The following GSE1 variants were observed in gnomAD, a reference collection of about 807,000 sequenced individuals.
GSE1 encodes the protein Gse1 coiled-coil protein, also known as genetic suppressor element 1.
In GSE1, 32 loss-of-function variants were observed where a neutral mutation model predicts 112.6. The observed-to-expected ratio is 0.28, with a 90% confidence interval of 0.21 to 0.38. GSE1 has a LOEUF of 0.38. Ranked by LOEUF, GSE1 falls within the 10% of genes least tolerant of loss-of-function variation. The pLI is 1.00. For missense variants in GSE1, 2,348 were observed against 1,699.2 expected, an observed-to-expected ratio of 1.38 and a Z score of -6.71; for synonymous variants, 1,115 against 735.6, an observed-to-expected ratio of 1.52 and a Z score of -8.35.
intron 2 of GSE1, among the ~76,000 whole-genome samples, chr16:85,549,150 G>A (rs2151229952): frequency 6.6e-6 from 1 of 151,790 alleles, no homozygotes; most frequent in Middle Eastern, 3.4e-3. Context: ...CAGGTACCAA[G>A]CAGACATATC....
intron 3 of GSE1, among the ~76,000 whole-genome samples, chr16:85,650,291 C>T (rs779256869): frequency 5.5e-5 from 8 of 144,544 alleles, no homozygotes; most frequent in African/African-American, 1.3e-4. Context: ...CCCCCAGGGC[C>T]AGCCTTGACC....
rs563706799 is a variant in GSE1 at position 85,667,546 on chromosome 16, A to C, written c.3131-594A>C. On this transcript the variant is annotated intron_variant, in intron 13 of 15. Transcript: ENST00000253458. ...ATGGGCTGGTGTCTGCTGAGGGCTG[A>C]CTATAGACCAAGCTCAAAGAGATGG... Among the ~76,000 whole-genome samples the C allele has an allele frequency of 2.0e-5, 3 of 152,324 alleles. No individual in the cohort carries two copies. The South Asian group carries it at 6.2e-4, about 32-fold the overall frequency.
At chr16:85,663,897 G>A (rs982129722) in intron 11 of GSE1, among the ~76,000 whole-genome samples, 7 of 152,246 alleles carry the variant, frequency 4.6e-5, no homozygotes, top group African/African-American at 1.2e-4. Flanking sequence ...TCTTTGAGCC[G>A]AGTGCTCCAG....
chr16:85,277,517 A>G lies in GSE1; in HGVS notation c.2284-79946A>G, dbSNP rs1164147458. ...CGAGTCACCTGGGGCCAGGCCTGGG[A>G]TTCCGGATTTCTAAAAAACTCCGGT... On this transcript the variant is annotated intron_variant, in intron 1 of 2. Transcript: ENST00000637419. Among the ~76,000 whole-genome samples the G allele has an allele frequency of 2.0e-5, 3 of 152,224 alleles. No homozygotes were observed. In the East Asian group the frequency reaches 5.8e-4, roughly 29 times the overall value.
intron 9 of GSE1, 55 bp downstream of exon 9, chr16:85,661,820 G>A: frequency 7.0e-7 from 1 of 1,429,400 alleles, no homozygotes; most frequent in Non-Finnish European, 9.2e-7. Flanking sequence ...AGTGGGGATG[G>A]GGAGCCTGCA....
chr16:85,479,361 G>T (rs1244282440), intron 2 of GSE1, among the ~76,000 whole-genome samples: 1 of 151,534 alleles, frequency 6.6e-6, no homozygotes, highest in Non-Finnish European at 1.5e-5. Flanking sequence ...TAGAGATGGG[G>T]TTTCATCATG....
chr16:85,555,969 C>G (rs1207992310), exon 1 of GSE1: 1 of 984,278 alleles, frequency 1.0e-6, no homozygotes, highest in Admixed American at 6.2e-5. Flanking sequence ...TTTTTATTTG[C>G]ATCTCAAGTC....
intron 2 of GSE1, among the ~76,000 whole-genome samples, chr16:85,541,806 C>T (rs1803304026): frequency 6.6e-6 from 1 of 152,220 alleles, no homozygotes; most frequent in South Asian, 2.1e-4. Flanking sequence ...GGCCACGTCC[C>T]TGCCTCGCTG....
At chr16:85,558,755 G>A (rs1214933594) in intron 1 of GSE1, among the ~76,000 whole-genome samples, 1 of 152,224 alleles carries the variant, frequency 6.6e-6, no homozygotes, top group African/African-American at 2.4e-5. Flanking sequence ...TATTGTCTTA[G>A]TGTAATATTC....
chr16:85,656,516 A>C lies in GSE1; in HGVS notation c.1163A>C (p.Gln388Pro). The change falls in exon 7 of 16, where the codon CAG (glutamine) becomes CCG (proline). Residue 388 changes from glutamine to proline, a missense_variant. Gln to Pro is a moderately conservative substitution (Grantham distance 76). Coordinates refer to ENST00000253458, the MANE Select transcript of GSE1 (RefSeq NM_014615.5). ...GAGCGCGAGCGCGAGCTGGAGCGCC[A>C]GCGGGAGCAGCGGGCCCGGGAGAAG... ...EKERERELER[Q>P]REQRAREKEL... The C allele has an allele frequency of 1.3e-6, 2 of 1,548,658 alleles. No individual in the cohort carries two copies. The highest frequency in any genetic ancestry group is 1.7e-6 in the Non-Finnish European group (2 of 1,145,954).
At chr16:85,640,875 A>G (rs769659061) in intron 2 of GSE1, among the ~76,000 whole-genome samples, 20 of 152,204 alleles carry the variant, frequency 1.3e-4, no homozygotes, top group South Asian at 4.1e-4. Flanking sequence ...GGGCGTCCTC[A>G]TGGTGCCTCT....
chr16:85,265,506 T>A (rs1422908164), intron 1 of GSE1, among the ~76,000 whole-genome samples: 1 of 152,160 alleles, frequency 6.6e-6, no homozygotes, highest in Non-Finnish European at 1.5e-5. Flanking sequence ...TTCTAGAATA[T>A]GTCCGGACTA....
chr16:85,666,903 C>A (rs941821755), intron 13 of GSE1, among the ~76,000 whole-genome samples: 1 of 152,186 alleles, frequency 6.6e-6, no homozygotes, highest in African/African-American at 2.4e-5. Context: ...CACCAAGTTC[C>A]AAAAACAAAA....
chr16:85,597,918 C>T (rs934525893), intron 1 of GSE1, among the ~76,000 whole-genome samples: 1 of 152,184 alleles, frequency 6.6e-6, no homozygotes, highest in East Asian at 1.9e-4. Flanking sequence ...GGTTCAGGTG[C>T]TTAACCTTTC....
At chr16:85,408,457 C>G (rs1358277271) in intron 2 of GSE1, among the ~76,000 whole-genome samples, 1 of 54,674 alleles carries the variant, frequency 1.8e-5, no homozygotes, top group Non-Finnish European at 3.6e-5. Flanking sequence ...ACTCAGGGAC[C>G]CCTGGATAAT....
Position 85,671,021 on chromosome 16 carries a change from C to G in GSE1, c.3442C>G (p.Gln1148Glu). 4 of 1,611,170 alleles carry G rather than the reference C, an allele frequency of 2.5e-6. No individual in the cohort carries two copies. The highest frequency in any genetic ancestry group is 3.4e-6 in the Non-Finnish European group (4 of 1,177,474). Residue 1148 changes from glutamine to glutamate, a missense_variant, in exon 15 of 16, where the codon CAG (glutamine) becomes GAG (glutamate). Transcript: ENST00000253458. ...GCAAAATCTGGAGCGGCAGGTGTTACAGACACAATGTAGACGACTGGAGGC... is the reference window on the plus strand; with the variant it reads ...GCAAAATCTGGAGCGGCAGGTGTTAGAGACACAATGTAGACGACTGGAGGC... ...EEQNLERQVLQTQCRRLEARH... is the reference protein window; with the variant it reads ...EEQNLERQVLETQCRRLEARH...
At chr16:85,298,619 G>GT (rs2151456070) in intron 1 of GSE1, among the ~76,000 whole-genome samples, 1 of 152,224 alleles carries the variant, frequency 6.6e-6, no homozygotes, top group Non-Finnish European at 1.5e-5. Context: ...TAGAGATGGG[G>GT]TTTCACCATG....
chr16:85,309,803 T>C (rs2045784448), intron 1 of GSE1, among the ~76,000 whole-genome samples: 1 of 152,012 alleles, frequency 6.6e-6, no homozygotes, highest in Non-Finnish European at 1.5e-5. Flanking sequence ...GGGGTTGGGG[T>C]TTCGGGTGAA....
At chr16:85,471,027 C>T (rs1038839834) in intron 2 of GSE1, among the ~76,000 whole-genome samples, 1 of 152,250 alleles carries the variant, frequency 6.6e-6, no homozygotes, top group African/African-American at 2.4e-5. Flanking sequence ...GGGGCTCCTA[C>T]TGCCACCCCA....
Sources: allele counts gnomAD v4.1 joint callset (sites outside exome capture counted in the v4.1 genomes callset), GRCh38; gene constraint gnomAD v4.1.1; transcripts MANE v1.5; gene names NCBI Gene and HGNC (gene_info 2026-07-23, HGNC 2026-07-21).